The following PTCH1 variants were observed in gnomAD, a reference collection of about 807,000 sequenced individuals.
PTCH1 encodes the protein patched 1.
PTCH1 carries 14 observed loss-of-function variants against 144.6 expected under a neutral mutation model. The ratio of observed to expected loss-of-function variants is 0.10; its 90% confidence interval spans 0.06 to 0.15. The LOEUF is 0.15. Ranked by LOEUF, PTCH1 falls within the 10% of genes least tolerant of loss-of-function variation. The pLI is 1.00. For synonymous variants in PTCH1, 833 were observed against 793.6 expected (o/e 1.05, Z -0.83); for missense variants, 1,623 against 1,948.3 (o/e 0.83, Z 3.14).
At chr9:95,474,500 G>A (rs1037352229) in intron 12 of PTCH1, among the ~76,000 whole-genome samples, 6 of 152,134 alleles carry the variant, frequency 3.9e-5, no homozygotes, top group African/African-American at 1.4e-4. Flanking sequence ...GTTATTCATT[G>A]ATTCACTATT....
Position 95,469,071 on chromosome 9 carries a change from G to T in PTCH1, c.1930C>A (p.Pro644Thr), listed in dbSNP as rs1840312910. ...TGGGCAAAGCTGTGGCTGCTGTAGG[G>T]AGGTGGGGGGCTGTAGCGGGTATTG... ...HDNTRYSPPPPYSSHSFAHET... is the reference protein window; with the variant it reads ...HDNTRYSPPPTYSSHSFAHET... Residue 644 changes from proline to threonine, a missense_variant, in exon 14 of 24, where the codon CCC (proline) becomes ACC (threonine). Around this residue, in one of 7 missense-constraint regions of PTCH1, gnomAD observed 179 missense variants for 165.7 expected, o/e 1.08. Transcript: ENST00000331920. 6.2e-7 allele frequency: 1 copy of T among 1,614,116 alleles called. No homozygotes were observed. The highest frequency in any genetic ancestry group is 1.7e-5 in the Admixed American group (1 of 60,020).
At chr9:95,462,694 G>T (rs909085828) in intron 15 of PTCH1, among the ~76,000 whole-genome samples, 1 of 152,180 alleles carries the variant, frequency 6.6e-6, no homozygotes, top group East Asian at 1.9e-4. Flanking sequence ...GGGTAAATTT[G>T]GATCCGATTG....
chr9:95,472,494 C>G (rs1203396829), intron 12 of PTCH1, among the ~76,000 whole-genome samples: 1 of 152,122 alleles, frequency 6.6e-6, no homozygotes, highest in Non-Finnish European at 1.5e-5. Context: ...CAGATGTCAT[C>G]CTGGGGGCCG....
At chr9:95,511,248 G>A (rs1359737694), upstream of PTCH1, among the ~76,000 whole-genome samples, 1 of 151,338 alleles carries the variant, frequency 6.6e-6, no homozygotes, top group Non-Finnish European at 1.5e-5. Context: ...CCTCCCCGGC[G>A]GTTTCCCCTC....
chr9:95,479,486 AGAAAT>A (rs762568435), intron 7 of PTCH1, among the ~76,000 whole-genome samples: 8 of 152,220 alleles, frequency 5.3e-5, no homozygotes, highest in Non-Finnish European at 7.3e-5. Flanking sequence ...CTTGCTGTGC[AGAAAT>A]CCCAGACGGT....
At chr9:95,468,659 G>T in intron 14 of PTCH1, 92 bp downstream of exon 14, 1 of 1,523,930 alleles carries the variant, frequency 6.6e-7, no homozygotes, top group Non-Finnish European at 9.0e-7. Flanking sequence ...TTTTTTTAAG[G>T]AAAAAGAAGA....
chr9:95,498,072 G>GA (rs372078931), intron 2 of PTCH1, among the ~76,000 whole-genome samples: 3 of 152,062 alleles, frequency 2.0e-5, no homozygotes, highest in South Asian at 2.1e-4. Context: ...ATTTAAGGGG[G>GA]AAAAAAAATC....
chr9:95,475,908 C>T (rs756816744), intron 12 of PTCH1, 126 bp downstream of exon 12: 28 of 1,458,138 alleles, frequency 1.9e-5, no homozygotes, highest in Non-Finnish European at 2.4e-5. Flanking sequence ...AACAGAGCCT[C>T]AAACACAGGC....
intron 2 of PTCH1, among the ~76,000 whole-genome samples, chr9:95,496,916 A>C (rs1161217069): frequency 6.6e-6 from 1 of 152,156 alleles, no homozygotes; most frequent in African/African-American, 2.4e-5. Context: ...GGAGCAGAGG[A>C]AATCAGGGAG....
upstream of PTCH1, among the ~76,000 whole-genome samples, chr9:95,510,255 G>C (rs1844079349): frequency 6.6e-6 from 1 of 152,084 alleles, no homozygotes; most frequent in African/African-American, 2.4e-5. Flanking sequence ...TGTTTATATA[G>C]TCAGTATTTT....
At chr9:95,500,793 T>C (rs1843095450) in intron 2 of PTCH1, among the ~76,000 whole-genome samples, 1 of 152,206 alleles carries the variant, frequency 6.6e-6, no homozygotes, top group African/African-American at 2.4e-5. Flanking sequence ...AAGGCAGTGG[T>C]GTCTTCTATT....
At position 95,506,607 on chromosome 9, in the gene PTCH1, C is replaced by G. The variant is rs750693438; in HGVS notation, c.202-8G>C. On this transcript the variant is annotated splice_polypyrimidine_tract_variant and splice_region_variant and intron_variant, in intron 1 of 23. Transcript: ENST00000331920. ...CCGGCCAGTAGCCTTCCCCTGGGGA[C>G]GAAGCAGAAGGGAGGAGTGAGCGCC... The G allele has an allele frequency of 1.2e-6, 2 of 1,609,824 alleles. No individual in the cohort carries two copies.
chr9:95,496,494 G>A (rs1842799425), intron 2 of PTCH1, among the ~76,000 whole-genome samples: 1 of 151,626 alleles, frequency 6.6e-6, no homozygotes, highest in African/African-American at 2.4e-5. Context: ...AAACAAAAAG[G>A]GAGAGAGATT....
In PTCH1 at chr9:95,458,158, C is replaced by A. The variant is rs1286123273; in HGVS notation, c.3023G>T (p.Ser1008Ile). 1.2e-6 allele frequency: 2 copies of A among 1,614,242 alleles called. No homozygotes were observed. The highest frequency in any genetic ancestry group is 1.7e-6 in the Non-Finnish European group (2 of 1,180,046). ...CSNYTSLGLSSYPNGYPFLFW... is the reference protein window; with the variant it reads ...CSNYTSLGLSIYPNGYPFLFW... ...GAGGAAGGGGTAGCCGTTGGGGTAA[C>A]TGGACAGCCCCAGGCTCGTATAGTT... The change falls in exon 18 of 24, where the codon AGT becomes ATT. Residue 1008 changes from serine (S) to isoleucine (I), a missense_variant. Physicochemically the swap from Ser to Ile is moderately radical, Grantham distance 142. Transcript: ENST00000331920. This position sits in a 1 kb window ranked among gnomAD's most constrained non-coding sequence, Gnocchi z 4.7.
intron 2 of PTCH1, among the ~76,000 whole-genome samples, chr9:95,487,056 C>G (rs1444804579): frequency 1.3e-5 from 2 of 152,216 alleles, no homozygotes; most frequent in Non-Finnish European, 2.9e-5. Flanking sequence ...AGGACATAAA[C>G]ATTTGGTTTG....
At chr9:95,478,686 TCTATGC>T (rs911018404) in intron 8 of PTCH1, among the ~76,000 whole-genome samples, 38 of 152,330 alleles carry the variant, frequency 2.5e-4, no homozygotes, top group African/African-American at 8.9e-4. Context: ...GTGAACAGAT[TCTATGC>T]CTTGCTAATG....
chr9:95,506,682 TG>T, intron 1 of PTCH1, 83 bp from the exon 2 acceptor site: 18 of 1,339,270 alleles, frequency 1.3e-5, no homozygotes, highest in Admixed American at 3.1e-5. Context: ...ACCCGCCCGG[TG>T]AGCCCCCAAC....
At chr9:95,501,320 C>T (rs1843135369) in intron 2 of PTCH1, among the ~76,000 whole-genome samples, 1 of 152,014 alleles carries the variant, frequency 6.6e-6, no homozygotes, top group South Asian at 2.1e-4. Context: ...GTGCACAGAA[C>T]AGCCCCCAAC....
intron 2 of PTCH1, among the ~76,000 whole-genome samples, chr9:95,501,180 C>T (rs1227774117): frequency 3.3e-5 from 5 of 152,050 alleles, no homozygotes; most frequent in African/African-American, 7.3e-5. Context: ...GGGTCTCAAT[C>T]GTGATGATTT....
Sources: allele counts gnomAD v4.1 joint callset (sites outside exome capture counted in the v4.1 genomes callset), GRCh38; gene constraint gnomAD v4.1.1; regional missense constraint gnomAD v4.1.1; non-coding constraint Gnocchi (gnomAD v3.1); transcripts MANE v1.5; gene names NCBI Gene and HGNC (gene_info 2026-07-23, HGNC 2026-07-21).